PLD5: variants seen among roughly 807,000 people sequenced by gnomAD.
The protein encoded by PLD5 is inactive phospholipase D5.
PLD5 carries 36 observed loss-of-function variants against 61.1 expected under a neutral mutation model. The ratio of observed to expected loss-of-function variants is 0.59; its 90% CI spans 0.45 to 0.78. The LOEUF (loss-of-function observed/expected upper bound fraction) is 0.78, where lower values mean the gene tolerates loss of function less well. Among genes scored for constraint, PLD5 ranks in the 30% least tolerant of loss-of-function variants. The probability of loss-of-function intolerance (pLI) is 0.00; values close to 1 mark genes in which losing one functional copy is unlikely to be tolerated. For missense variants in PLD5, 515 were observed against 644.4 expected (o/e 0.80, Z 2.17); for synonymous variants, 243 against 242.8 (o/e 1.00, Z -0.01).
chr1:242,459,126 G>C (rs973603334), intron 1 of PLD5, among the ~76,000 whole-genome samples: 1 of 152,208 alleles, frequency 6.6e-6, no homozygotes, highest in African/African-American at 2.4e-5. Flanking sequence ...ACATGGATGG[G>C]AGATAGAATC....
At chr1:242,231,873 T>C (rs141790545) in intron 4 of PLD5, among the ~76,000 whole-genome samples, 41 of 149,966 alleles carry the variant, frequency 2.7e-4, no homozygotes, top group African/African-American at 5.4e-4. Flanking sequence ...GAAGGATGTA[T>C]CCTATCCAGG....
chr1:242,254,626 C>A (rs182398856), intron 4 of PLD5, among the ~76,000 whole-genome samples: 32 of 152,256 alleles, frequency 2.1e-4, no homozygotes, highest in African/African-American at 7.7e-4. Flanking sequence ...GCCAATATCA[C>A]ACCATTGCCC....
chr1:242,184,470 G>C (rs1265638183), intron 5 of PLD5, among the ~76,000 whole-genome samples: 1 of 152,172 alleles, frequency 6.6e-6, no homozygotes, highest in African/African-American at 2.4e-5. Flanking sequence ...CTGGGTTCAA[G>C]CAATTCTTGT....
At chr1:242,479,344 T>C (rs1301988013) in intron 1 of PLD5, among the ~76,000 whole-genome samples, 3 of 152,172 alleles carry the variant, frequency 2.0e-5, no homozygotes, top group Non-Finnish European at 4.4e-5. Context: ...GGTCATGAAA[T>C]ATAAGATCAA....
At chr1:242,511,578 G>T (rs1212633664) in intron 1 of PLD5, among the ~76,000 whole-genome samples, 3 of 109,946 alleles carry the variant, frequency 2.7e-5, no homozygotes, top group African/African-American at 4.0e-5. Context: ...CATAATCCCA[G>T]TCTAATGATG....
intron 1 of PLD5, among the ~76,000 whole-genome samples, chr1:242,366,704 C>T (rs565406041): frequency 6.6e-6 from 1 of 152,224 alleles, no homozygotes; most frequent in African/African-American, 2.4e-5. Flanking sequence ...TGGATATGCA[C>T]TAGTTCATTT....
rs768615886 is a variant in PLD5, at chr1:242,348,147, A to G, written c.285T>C (p.Asp95=). The change falls in exon 2 of 10, where the codon GAT becomes GAC. Residue 95 remains aspartate (D), a synonymous_variant. Transcript: ENST00000536534. ...IFSAVDIMGE[D]EDGLSEKNCQ... Reference sequence around the variant, plus strand: ...AATTTTTTTCTGAGAGTCCATCCTCATCCTCTCCCATGATGTCCACGGCTG... The same window carrying G: ...AATTTTTTTCTGAGAGTCCATCCTCGTCCTCTCCCATGATGTCCACGGCTG... 1.2e-6 allele frequency: 2 copies of G among 1,613,862 alleles called. No individual in the cohort carries two copies. Among genetic ancestry groups the G allele is most frequent in the Non-Finnish European group, 1.7e-6 (2 of 1,179,870 alleles).
chr1:242,113,309 G>A (rs537222998), intron 7 of PLD5, among the ~76,000 whole-genome samples: 75 of 152,128 alleles, frequency 4.9e-4, no homozygotes, highest in Middle Eastern at 6.8e-3. Context: ...TAGCCAGGAT[G>A]GTCTCGATCT....
chr1:242,417,288 T>A lies in PLD5; in HGVS notation c.190-69046A>T, dbSNP rs535462785. On this transcript the variant is annotated intron_variant, in intron 1 of 9. Transcript: ENST00000536534. ...GGCAGGGCTTGGACACTGGACCAAA[T>A]TGAGGACTAGTTAAAACAGGGATAG... Among the ~76,000 whole-genome samples the A allele has an allele frequency of 3.3e-5, 5 of 152,192 alleles. No individual in the cohort carries two copies. The East Asian group carries it at 9.7e-4, about 29-fold the overall frequency.
At chr1:242,465,045 G>A (rs1365942936) in intron 1 of PLD5, among the ~76,000 whole-genome samples, 1 of 152,028 alleles carries the variant, frequency 6.6e-6, no homozygotes, top group African/African-American at 2.4e-5. Flanking sequence ...TTCCTTATGG[G>A]GTGACAAAAA....
intron 1 of PLD5, among the ~76,000 whole-genome samples, chr1:242,449,650 G>A (rs1311454905): frequency 6.6e-6 from 1 of 152,194 alleles, no homozygotes; most frequent in Non-Finnish European, 1.5e-5. Context: ...ACTGGGGACT[G>A]CTATGTTTAA....
chr1:242,290,317 T>C (rs1017625101), intron 2 of PLD5, among the ~76,000 whole-genome samples: 28 of 145,934 alleles, frequency 1.9e-4, no homozygotes, highest in Non-Finnish European at 3.6e-4. Context: ...AGATGAAAAT[T>C]TTTTATGAGT....
intron 1 of PLD5, among the ~76,000 whole-genome samples, chr1:242,450,930 C>T (rs914063366): frequency 6.6e-6 from 1 of 152,158 alleles, no homozygotes; most frequent in Non-Finnish European, 1.5e-5. Flanking sequence ...TACTCTGAAA[C>T]TCTGGAGTGT....
intron 5 of PLD5, among the ~76,000 whole-genome samples, chr1:242,155,091 G>A (rs924540720): frequency 6.6e-6 from 1 of 152,118 alleles, no homozygotes; most frequent in African/African-American, 2.4e-5. Flanking sequence ...TATGTGTCCA[G>A]CAATTTATCC....
intron 1 of PLD5, among the ~76,000 whole-genome samples, chr1:242,483,034 G>T (rs1667836208): frequency 6.6e-6 from 1 of 152,162 alleles, no homozygotes; most frequent in Admixed American, 6.6e-5. Flanking sequence ...CACCAGGCCT[G>T]CCCTACAAGA....
chr1:242,475,728 CTTTAAAGAGA>C (rs1667577479), intron 1 of PLD5, among the ~76,000 whole-genome samples: 2 of 152,068 alleles, frequency 1.3e-5, no homozygotes, highest in Admixed American at 6.5e-5. Flanking sequence ...TAGGTGAGGT[CTTTAAAGAGA>C]TAATTAAGTT....
chr1:242,099,589 G>A (rs1474595691), intron 9 of PLD5, among the ~76,000 whole-genome samples: 3 of 152,196 alleles, frequency 2.0e-5, no homozygotes, highest in African/African-American at 7.2e-5. Context: ...GGGGGCCCTG[G>A]ATGCCAGACC....
intron 1 of PLD5, among the ~76,000 whole-genome samples, chr1:242,378,721 A>G (rs1386450577): frequency 1.3e-5 from 2 of 152,010 alleles, no homozygotes; most frequent in African/African-American, 4.8e-5. Context: ...CATGCCTGTA[A>G]TCCCAGCTAC....
At chr1:242,527,334 C>T (rs7552290), upstream of PLD5, among the ~76,000 whole-genome samples, 6,490 of 151,960 alleles carry the variant, frequency 0.043, 209 homozygotes, top group African/African-American at 0.094. Context: ...CAGGGTTTCA[C>T]CATGTAGCCC....
Sources: gnomAD v4.1 joint callset for allele counts (sites outside exome capture counted in the v4.1 genomes callset) on GRCh38, gnomAD v4.1.1 for gene constraint, MANE v1.5 for transcripts, NCBI Gene and HGNC (gene_info 2026-07-23, HGNC 2026-07-21) for gene names.